The following PDLIM5 variants were observed in gnomAD, a reference collection of about 807,000 sequenced individuals.
PDLIM5 encodes the protein PDZ and LIM domain protein 5.
PDLIM5 carries 34 observed loss-of-function variants against 64.2 expected under a neutral mutation model. The observed-to-expected ratio is 0.53, with a 90% CI of 0.40 to 0.71. The LOEUF is 0.71. PDLIM5 is among the 30% of genes least tolerant of loss of function. The pLI is 0.00. For missense variants in PDLIM5, 683 were observed against 733.6 expected (o/e 0.93, Z 0.80); for synonymous variants, 253 against 269.1 (o/e 0.94, Z 0.59).
rs560884104 is a variant in PDLIM5, at chr4:94,544,815, C to T, written c.248+20940C>T. On this transcript the variant is annotated intron_variant, in intron 3 of 12. Transcript: ENST00000317968. ...GAATTACAGGCATGTACCACCATGCCCGGCTAATATCTTGTCAGCTTTTGC... is the reference window on the plus strand; with the variant it reads ...GAATTACAGGCATGTACCACCATGCTCGGCTAATATCTTGTCAGCTTTTGC... Among the ~76,000 whole-genome samples the T allele has an allele frequency of 1.6e-4, 25 of 152,272 alleles. No individual in the cohort carries two copies. In the South Asian group the frequency reaches 5.2e-3, roughly 32 times the overall value.
intron 2 of PDLIM5, among the ~76,000 whole-genome samples, chr4:94,476,808 C>A (rs922585894): frequency 2.6e-5 from 4 of 152,156 alleles, no homozygotes; most frequent in African/African-American, 4.8e-5. Context: ...GGGACACTTT[C>A]TTGCTGTGTA....
chr4:94,586,464 G>A lies in PDLIM5; in HGVS notation c.920+20G>A, dbSNP rs778109023. On this transcript the variant is annotated intron_variant, in intron 7 of 12. Transcript: ENST00000317968. The stretch of plus-strand genomic sequence containing the variant: ...GGCAAAGTAAGTTCTCTATCTTTTT[G>A]ACAATTGAATGTTTTCCTTTCACGA... 4 of 1,447,952 alleles carry A rather than the reference G, an allele frequency of 2.8e-6. No individual in the cohort carries two copies. In the East Asian group the frequency reaches 9.2e-5, roughly 33 times the overall value. The allele number at this position is 1,447,952 out of a possible 1,614,324, so 89.7% of individuals were successfully genotyped here.
At chr4:94,613,675 A>G (rs1738542530) in intron 7 of PDLIM5, among the ~76,000 whole-genome samples, 1 of 152,210 alleles carries the variant, frequency 6.6e-6, no homozygotes, top group African/African-American at 2.4e-5. Flanking sequence ...ATATTTTAAT[A>G]TCAGTATCTG....
At chr4:94,562,859 T>G (rs924643106) in intron 3 of PDLIM5, among the ~76,000 whole-genome samples, 4 of 152,164 alleles carry the variant, frequency 2.6e-5, no homozygotes, top group African/African-American at 7.2e-5. Context: ...AGAAAAGGTA[T>G]CAGAAGAAGA....
At position 94,582,985 on chromosome 4, in the gene PDLIM5, G is replaced by A. The variant is rs567268049; in HGVS notation, c.711-2580G>A. On this transcript the variant is annotated intron_variant, in intron 5 of 12. Transcript: ENST00000317968. Reference sequence around the variant, plus strand: ...TCATTGAGATATAGATGAGTATTATGGACAGTGTATACCAGAGTTAGAACT... The same window carrying A: ...TCATTGAGATATAGATGAGTATTATAGACAGTGTATACCAGAGTTAGAACT... The A allele has an allele frequency of 6.1e-4, 238 of 389,068 alleles. 1 individual carries two copies. Among genetic ancestry groups the A allele is most frequent in the Middle Eastern group, 1.5e-3 (2 of 1,320 alleles). The allele number at this position is 389,068 out of a possible 1,614,324, so 24.1% of individuals were successfully genotyped here.
At chr4:94,548,303 A>C (rs933849297) in intron 3 of PDLIM5, among the ~76,000 whole-genome samples, 1 of 152,322 alleles carries the variant, frequency 6.6e-6, no homozygotes, top group Non-Finnish European at 1.5e-5. Context: ...TCCAACATTC[A>C]TTCCAAACTC....
At chr4:94,588,032 C>A in intron 7 of PDLIM5, 1 of 923,898 alleles carries the variant, frequency 1.1e-6, no homozygotes, top group Non-Finnish European at 1.3e-6. Context: ...ATGCTTTCTG[C>A]CTTGTAATAT....
chr4:94,608,112 C>T, intron 7 of PDLIM5: 1 of 1,531,604 alleles, frequency 6.5e-7, no homozygotes, highest in Non-Finnish European at 8.7e-7. Context: ...CCTCCTGCAA[C>T]TCCTCAGGTG....
At chr4:94,628,532 T>C (rs982334328) in intron 8 of PDLIM5, among the ~76,000 whole-genome samples, 2 of 152,158 alleles carry the variant, frequency 1.3e-5, no homozygotes, top group Admixed American at 6.5e-5. Flanking sequence ...CTTTTTTTTT[T>C]TCCTGCTTCA....
In PDLIM5 at chr4:94,618,281, A is replaced by ATATGGTAG; in HGVS notation, c.1108+90_1108+91insTATGGTAG. 6.2e-6 allele frequency: 5 copies of ATATGGTAG among 803,350 alleles called. No homozygotes were observed. In the South Asian group the frequency reaches 6.7e-5, roughly 11 times the overall value. The allele number at this position is 803,350 out of a possible 1,614,324, so 49.8% of individuals were successfully genotyped here. On this transcript the variant is annotated intron_variant, in intron 8 of 12. Coordinates refer to ENST00000317968, the MANE Select transcript of PDLIM5 (RefSeq NM_006457.5). ...GGGATATATGGTAGAATTCACTGGTAAAACCCATTCTCAATAACCTAAGAT... is the reference window on the plus strand; with the variant it reads ...GGGATATATGGTAGAATTCACTGGTATATGGTAGAAACCCATTCTCAATAACCTAAGAT...
At chr4:94,544,391 G>A (rs1732123042) in intron 3 of PDLIM5, among the ~76,000 whole-genome samples, 1 of 152,070 alleles carries the variant, frequency 6.6e-6, no homozygotes, top group South Asian at 2.1e-4. Flanking sequence ...ATTCTTTTTT[G>A]TTGTGTTTTG....
At chr4:94,576,114 C>A (rs1735230431) in intron 5 of PDLIM5, 80 bp downstream of exon 5, 1 of 1,229,366 alleles carries the variant, frequency 8.1e-7, no homozygotes, top group African/African-American at 1.5e-5. Flanking sequence ...CATTCCTCTC[C>A]CCCAAAACCA....
chr4:94,557,827 A>G (rs566907024), intron 3 of PDLIM5, among the ~76,000 whole-genome samples: 66 of 152,180 alleles, frequency 4.3e-4, no homozygotes, highest in Non-Finnish European at 8.1e-4. Context: ...GGAGTTTTCT[A>G]GATATGCAAT....
intron 3 of PDLIM5, among the ~76,000 whole-genome samples, chr4:94,564,101 C>T (rs1456872531): frequency 1.3e-5 from 2 of 151,646 alleles, no homozygotes; most frequent in African/African-American, 4.8e-5. Flanking sequence ...GTAGCTGGGA[C>T]TACAGGCGTG....
chr4:94,551,044 A>C (rs1732761903), intron 3 of PDLIM5, among the ~76,000 whole-genome samples: 1 of 152,128 alleles, frequency 6.6e-6, no homozygotes, highest in African/African-American at 2.4e-5. Context: ...AAAGGTTAGA[A>C]AATTTTGAAG....
chr4:94,551,929 G>A (rs575181025), intron 3 of PDLIM5, among the ~76,000 whole-genome samples: 16 of 152,248 alleles, frequency 1.1e-4, no homozygotes, highest in Admixed American at 4.6e-4. Flanking sequence ...ATTCTCTACA[G>A]AAGGACTGAT....
intron 7 of PDLIM5, chr4:94,587,611 T>C (rs1295533498): frequency 1.6e-5 from 16 of 973,224 alleles, no homozygotes; most frequent in Non-Finnish European, 2.0e-5. Flanking sequence ...GTGCGTGCAT[T>C]GTAGATTTAG....
At chr4:94,509,764 A>C (rs1578276346) in intron 2 of PDLIM5, among the ~76,000 whole-genome samples, 1 of 152,186 alleles carries the variant, frequency 6.6e-6, no homozygotes, top group East Asian at 1.9e-4. Context: ...AGAAAGATGT[A>C]GGCTGGGAGG....
At chr4:94,628,280 C>T (rs138172827) in intron 8 of PDLIM5, among the ~76,000 whole-genome samples, 21 of 152,240 alleles carry the variant, frequency 1.4e-4, no homozygotes, top group African/African-American at 4.8e-4. Context: ...CTGCTTCTTC[C>T]ACCATAAAAT....
Sources: allele counts gnomAD v4.1 joint callset (sites outside exome capture counted in the v4.1 genomes callset), GRCh38; gene constraint gnomAD v4.1.1; transcripts MANE v1.5; gene names NCBI Gene and HGNC (gene_info 2026-07-23, HGNC 2026-07-21).